The following LONP2 variants were observed in gnomAD, a reference collection of about 807,000 sequenced individuals.
LONP2 encodes lon peptidase 2, peroxisomal.
A neutral mutation model predicts 85.6 loss-of-function variants in LONP2; 60 were observed. The observed-to-expected ratio is 0.70, with a 90% CI of 0.57 to 0.87. The LOEUF (loss-of-function observed/expected upper bound fraction) is 0.87, where lower values mean the gene tolerates loss of function less well. LONP2 is among the 40% of genes least tolerant of loss of function. The pLI, the probability that LONP2 is intolerant of heterozygous loss-of-function variation, is 0.00. For synonymous variants in LONP2, 395 were observed against 389.7 expected, an observed-to-expected ratio of 1.01 and a Z score of -0.16; for missense variants, 860 against 1,063.5, an observed-to-expected ratio of 0.81 and a Z score of 2.66.
chr16:48,266,973 A>G (rs1337456964), intron 6 of LONP2, among the ~76,000 whole-genome samples: 3 of 152,238 alleles, frequency 2.0e-5, no homozygotes, highest in South Asian at 2.1e-4. Context: ...TTAATAAAAT[A>G]TCAAAAAATA....
chr16:48,347,730 C>T lies in LONP2; in HGVS notation c.2146+16C>T, dbSNP rs147541309. 0.02 allele frequency: 32,422 copies of T among 1,606,132 alleles called. 391 individuals carry two copies. Among genetic ancestry groups the T allele is most frequent in the Non-Finnish European group, 0.024 (28,589 of 1,176,912 alleles). On this transcript the variant is annotated intron_variant, in intron 13 of 14. Coordinates refer to ENST00000285737, the MANE Select transcript of LONP2 (RefSeq NM_031490.5). ...CTGACCAATGGTAGGAGCCTGCACC[C>T]GGCCAGGCAGGCGTGACCCAGGAGG...
chr16:48,250,001 G>T (rs1438980982), intron 1 of LONP2, among the ~76,000 whole-genome samples: 2 of 152,174 alleles, frequency 1.3e-5, no homozygotes, highest in Non-Finnish European at 2.9e-5. Flanking sequence ...AGACCAGCCT[G>T]GCCAACATAG....
At chr16:48,285,554 A>G (rs1403643071) in intron 8 of LONP2, among the ~76,000 whole-genome samples, 2 of 152,058 alleles carry the variant, frequency 1.3e-5, no homozygotes, top group Non-Finnish European at 2.9e-5. Context: ...TTCTTCAGAC[A>G]GGATCATCTC....
At chr16:48,342,154 T>C (rs1250976352) in intron 12 of LONP2, among the ~76,000 whole-genome samples, 1 of 152,076 alleles carries the variant, frequency 6.6e-6, no homozygotes, top group Non-Finnish European at 1.5e-5. Flanking sequence ...CATGAGGTAG[T>C]CCCCCACCTC....
chr16:48,252,272 G>A lies in LONP2; in HGVS notation c.375G>A (p.Glu125=). ...KEKPYPIAEV[E]QLDRLEEFPN... is the part of the protein sequence containing the mutation. ...AGCCATATCCCATTGCTGAAGTGGA[G>A]CAGTTGGACCGACTTGAGGAGTTTC... is the stretch of plus-strand genomic sequence containing the variant. The change falls in exon 2 of 15, where the codon GAG becomes GAA. Residue 125 remains glutamate (E), a synonymous_variant. Coordinates refer to ENST00000285737, the MANE Select transcript of LONP2 (RefSeq NM_031490.5). 6.2e-7 allele frequency: 1 copy of A among 1,614,182 alleles called. No individual in the cohort carries two copies.
intron 3 of LONP2, 44 bp from the exon 4 acceptor site, chr16:48,258,574 G>A (rs778080810): frequency 1.3e-6 from 2 of 1,545,010 alleles, no homozygotes; most frequent in South Asian, 1.2e-5. Flanking sequence ...TTTGGATTGT[G>A]TGTTTCTGAG....
At chr16:48,275,325 T>C (rs1319744580) in intron 7 of LONP2, among the ~76,000 whole-genome samples, 1 of 152,020 alleles carries the variant, frequency 6.6e-6, no homozygotes, top group Non-Finnish European at 1.5e-5. Flanking sequence ...ACCTTTAGAG[T>C]GCTGATGGAA....
At chr16:48,246,817 C>T (rs987376372) in intron 1 of LONP2, among the ~76,000 whole-genome samples, 2 of 152,006 alleles carry the variant, frequency 1.3e-5, no homozygotes, top group African/African-American at 4.8e-5. Flanking sequence ...TCAAGCTATC[C>T]CCTGCTTTGG....
rs201484406 is a variant in LONP2, at chr16:48,355,598, C to T, written c.*3796C>T. 2 of 152,174 alleles carry T rather than the reference C, an allele frequency of 1.3e-5. No individual in the cohort carries two copies. The highest frequency in any genetic ancestry group is 2.1e-4 in the South Asian group (1 of 4,830). The allele number at this position is 152,174 out of a possible 1,614,324, so 9.4% of individuals were successfully genotyped here. A position where few individuals can be genotyped will look rare whatever the true frequency, so the allele number is the denominator to read the frequency against. ...TTTGAGAACTGCCAAACTTTTCCAC[C>T]GCAGCTGCACCATTTGACATTCCTT... On this transcript the variant is annotated 3_prime_UTR_variant, in exon 15 of 15. Transcript: ENST00000285737.
downstream of LONP2, chr16:48,361,704 G>A (rs757853053): frequency 1.9e-6 from 3 of 1,614,046 alleles, no homozygotes. Flanking sequence ...TTCATGAATA[G>A]ATCGAGGAGT....
At chr16:48,348,607 GTCTA>G (rs1227264007) in intron 14 of LONP2, among the ~76,000 whole-genome samples, 5 of 148,250 alleles carry the variant, frequency 3.4e-5, no homozygotes, top group African/African-American at 1.2e-4. Context: ...CGATCCTCCT[GTCTA>G]TCTCCCGAAT....
chr16:48,325,232 G>T (rs1277180840), intron 11 of LONP2, among the ~76,000 whole-genome samples: 1 of 152,164 alleles, frequency 6.6e-6, no homozygotes, highest in African/African-American at 2.4e-5. Context: ...GATCTGACCG[G>T]AGGCGGTGCT....
chr16:48,293,320 C>T (rs928304097), intron 8 of LONP2, among the ~76,000 whole-genome samples: 3 of 151,752 alleles, frequency 2.0e-5, no homozygotes, highest in African/African-American at 7.3e-5. Context: ...CCCAGCTACT[C>T]GGGAGGCTGA....
At chr16:48,347,352 G>C (rs998150482) in intron 12 of LONP2, among the ~76,000 whole-genome samples, 155 bp from the exon 13 acceptor site, 2 of 152,220 alleles carry the variant, frequency 1.3e-5, no homozygotes, top group African/African-American at 2.4e-5. Flanking sequence ...CAGAGAGTAA[G>C]TGCTGAATGT....
intron 7 of LONP2, among the ~76,000 whole-genome samples, chr16:48,272,942 G>C (rs1050638553): frequency 6.6e-6 from 1 of 152,162 alleles, no homozygotes; most frequent in Non-Finnish European, 1.5e-5. Context: ...AGGTGAATAG[G>C]AGGAGGAGAG....
rs6500379 is a variant in LONP2, at chr16:48,301,419, C to G, written c.1661+1631C>G. On this transcript the variant is annotated intron_variant, in intron 10 of 14. Coordinates refer to ENST00000285737, the MANE Select transcript of LONP2 (RefSeq NM_031490.5). ...GCAGTGGCATGATCTTGGCTCACTGCAGCCTCTGCCTCCTAGGCTCAAGCC... is the reference window on the plus strand; with the variant it reads ...GCAGTGGCATGATCTTGGCTCACTGGAGCCTCTGCCTCCTAGGCTCAAGCC... Among the ~76,000 whole-genome samples, 287 of 152,298 alleles carry G rather than the reference C, an allele frequency of 1.9e-3. 1 individual carries two copies. The highest frequency in any genetic ancestry group is 6.6e-3 in the African/African-American group (274 of 41,578).
intron 8 of LONP2, among the ~76,000 whole-genome samples, chr16:48,288,913 A>G (rs934886743): frequency 6.6e-6 from 1 of 152,206 alleles, no homozygotes; most frequent in Non-Finnish European, 1.5e-5. Flanking sequence ...CAGTGTGCCC[A>G]TATCATGTAC....
chr16:48,361,239 ACACT>A (rs1314287680), downstream of LONP2: 2 of 267,968 alleles, frequency 7.5e-6, no homozygotes, highest in Non-Finnish European at 1.5e-5. Flanking sequence ...ACGCAGGCAC[ACACT>A]CCCACGCAAA....
At chr16:48,306,366 A>T (rs1972911581) in intron 11 of LONP2, among the ~76,000 whole-genome samples, 2 of 152,226 alleles carry the variant, frequency 1.3e-5, no homozygotes, top group Admixed American at 6.5e-5. Flanking sequence ...TAGTTATTTT[A>T]AAATAACCCA....
Sources: gnomAD v4.1 joint callset for allele counts (sites outside exome capture counted in the v4.1 genomes callset) on GRCh38, gnomAD v4.1.1 for gene constraint, MANE v1.5 for transcripts, NCBI Gene and HGNC (gene_info 2026-07-23, HGNC 2026-07-21) for gene names.